The following CAPZA1 variants were observed in gnomAD, a reference collection of about 807,000 sequenced individuals.
CAPZA1 encodes F-actin-capping protein subunit alpha-1.
Under a neutral mutation model 40.8 loss-of-function variants are expected in CAPZA1, and 10 were observed. The observed-to-expected ratio is 0.25, with a 90% CI of 0.15 to 0.42. CAPZA1 has a LOEUF of 0.42. Among genes scored for constraint, CAPZA1 ranks in the 10% least tolerant of loss-of-function variants. The probability of loss-of-function intolerance (pLI) is 1.00; values close to 1 mark genes in which losing one functional copy is unlikely to be tolerated. For missense variants in CAPZA1, 277 were observed against 353.8 expected, an observed-to-expected ratio of 0.78 and a Z score of 1.74; for synonymous variants, 98 against 115.0, an observed-to-expected ratio of 0.85 and a Z score of 0.95.
intron 4 of CAPZA1, among the ~76,000 whole-genome samples, chr1:112,654,150 A>T (rs1453140122): frequency 2.6e-5 from 4 of 152,198 alleles, no homozygotes; most frequent in Non-Finnish European, 5.9e-5. Context: ...CTGGAAAAAT[A>T]TGTGAAAAAA....
At chr1:112,650,452 A>T (rs1401585051) in intron 3 of CAPZA1, among the ~76,000 whole-genome samples, 3 of 152,154 alleles carry the variant, frequency 2.0e-5, no homozygotes, top group Non-Finnish European at 4.4e-5. Context: ...CACATCGGAG[A>T]TATACTCTAA....
intron 1 of CAPZA1, among the ~76,000 whole-genome samples, chr1:112,634,198 T>C (rs1670975705): frequency 6.6e-6 from 1 of 152,190 alleles, no homozygotes; most frequent in Non-Finnish European, 1.5e-5. Context: ...TACATATCTC[T>C]TTCAGGAAAA....
chr1:112,624,603 A>G (rs541661736), intron 1 of CAPZA1, among the ~76,000 whole-genome samples: 1 of 102,518 alleles, frequency 9.8e-6, no homozygotes, highest in South Asian at 4.1e-4. Context: ...GCAAAACTCC[A>G]TCAAAAAAAA....
intron 7 of CAPZA1, among the ~76,000 whole-genome samples, chr1:112,664,289 G>A (rs1459883221): frequency 2.0e-5 from 3 of 151,786 alleles, no homozygotes; most frequent in Admixed American, 2.0e-4. Flanking sequence ...TAGGTAGGGG[G>A]TTCTTGTTAT....
In CAPZA1 at chr1:112,621,767, T is replaced by TG. The variant is rs1570695918; in HGVS notation, c.39+1884_39+1885insG. On this transcript the variant is annotated intron_variant, in intron 1 of 9. Coordinates refer to ENST00000263168, the MANE Select transcript of CAPZA1 (RefSeq NM_006135.3). ...ATTAATGTCTTGGGTTATGGTTTTT[T>TG]TTTTTTTTTTTTGAGATGGAGTCTC... Among the ~76,000 whole-genome samples, 4 of 149,172 alleles carry TG rather than the reference T, an allele frequency of 2.7e-5. No homozygotes were observed. In the East Asian group the frequency reaches 5.8e-4, roughly 22 times the overall value.
In CAPZA1 at chr1:112,668,231, G is replaced by A. The variant is rs527695269; in HGVS notation, c.657+1086G>A. On this transcript the variant is annotated intron_variant, in intron 8 of 9. Transcript: ENST00000263168. ...GTTGAGGCTGCAGTGAGCCAAGATC[G>A]TGCCACTGCACTTCAGCCTGGGTGA... is the stretch of plus-strand genomic sequence containing the variant. Among the ~76,000 whole-genome samples, 5 of 152,234 alleles carry A rather than the reference G, an allele frequency of 3.3e-5. No individual in the cohort carries two copies. In the South Asian group the frequency reaches 8.3e-4, roughly 25 times the overall value.
intron 1 of CAPZA1, among the ~76,000 whole-genome samples, chr1:112,643,875 C>CTTTTTTTTTTTTTTTTTTTTTTTTTTTA (rs1557731528): frequency 6.6e-6 from 1 of 152,046 alleles, no homozygotes; most frequent in African/African-American, 2.4e-5. Flanking sequence ...GAGACAGTCT[C>CTTTTTTTTTTTTTTTTTTTTTTTTTTTA]ACTCTGTCGC....
chr1:112,659,011 C>G lies in CAPZA1; in HGVS notation c.427-11C>G, dbSNP rs1671551999. 1 of 1,585,656 alleles carries G rather than the reference C, an allele frequency of 6.3e-7. No homozygotes were observed. The highest frequency in any genetic ancestry group is 8.6e-7 in the Non-Finnish European group (1 of 1,158,826). On this transcript the variant is annotated splice_polypyrimidine_tract_variant and intron_variant, in intron 5 of 9. Transcript: ENST00000263168. ...TTGGAGTCTTTAACTATTTTTTTTTCCCAACAATAGGTTTATGCTAAAACT... is the reference window on the plus strand; with the variant it reads ...TTGGAGTCTTTAACTATTTTTTTTTGCCAACAATAGGTTTATGCTAAAACT...
At chr1:112,622,174 C>T (rs1006754135) in intron 1 of CAPZA1, among the ~76,000 whole-genome samples, 5 of 152,060 alleles carry the variant, frequency 3.3e-5, no homozygotes, top group African/African-American at 1.2e-4. Context: ...TTTCTAAAGG[C>T]AGTGAACCTT....
At chr1:112,662,395 C>CTTTTTTTTT (rs35100851) in intron 7 of CAPZA1, among the ~76,000 whole-genome samples, 6 of 97,258 alleles carry the variant, frequency 6.2e-5, no homozygotes, top group East Asian at 6.0e-4. Flanking sequence ...TAGAATTTTT[C>CTTTTTTTTT]TTTTTTTTTT....
chr1:112,620,391 A>T (rs1169660599), intron 1 of CAPZA1: 1 of 153,188 alleles, frequency 6.5e-6, no homozygotes, highest in Non-Finnish European at 1.5e-5. Flanking sequence ...ACTCTTCGAC[A>T]AGGAGAGGTC....
chr1:112,651,996 C>T (rs952738160), intron 3 of CAPZA1, among the ~76,000 whole-genome samples: 1 of 151,996 alleles, frequency 6.6e-6, no homozygotes, highest in Non-Finnish European at 1.5e-5. Context: ...TGGTGCGCAT[C>T]TGTAATCCCA....
At chr1:112,639,269 TCTC>T (rs1184114866) in intron 1 of CAPZA1, among the ~76,000 whole-genome samples, 6 of 152,112 alleles carry the variant, frequency 3.9e-5, no homozygotes, top group African/African-American at 1.4e-4. Context: ...TACTTTCAAA[TCTC>T]CTCGCTTTCA....
intron 7 of CAPZA1, among the ~76,000 whole-genome samples, chr1:112,660,852 T>A (rs1301546351): frequency 2.1e-5 from 3 of 142,672 alleles, no homozygotes; most frequent in Non-Finnish European, 3.0e-5. Flanking sequence ...TTTTTTTTTT[T>A]TTTTTTTTTT....
At chr1:112,648,607 C>T (rs1570715608) in intron 2 of CAPZA1, among the ~76,000 whole-genome samples, 2 of 151,920 alleles carry the variant, frequency 1.3e-5, no homozygotes, top group East Asian at 3.9e-4. Flanking sequence ...TGAGCCACCA[C>T]ACCTGCCCGA....
intron 1 of CAPZA1, among the ~76,000 whole-genome samples, chr1:112,640,630 C>G (rs1671135172): frequency 6.6e-6 from 1 of 151,588 alleles, no homozygotes; most frequent in Non-Finnish European, 1.5e-5. Context: ...GCCAGCCGCC[C>G]CATCCGGGAC....
chr1:112,643,056 A>C (rs916720942), intron 1 of CAPZA1, among the ~76,000 whole-genome samples: 2 of 151,932 alleles, frequency 1.3e-5, no homozygotes, highest in African/African-American at 4.8e-5. Context: ...GAAAGGGGAT[A>C]GACCATAGCT....
intron 3 of CAPZA1, 21 bp from the exon 4 acceptor site, chr1:112,653,577 A>ATTTTTTTTTTTT: frequency 6.8e-7 from 1 of 1,472,206 alleles, no homozygotes; most frequent in African/African-American, 1.5e-5. Context: ...TTTTTTTTAA[A>ATTTTTTTTTTTT]AAACTTTTAA....
intron 1 of CAPZA1, chr1:112,620,300 G>C (rs1403355862): frequency 6.3e-6 from 1 of 159,030 alleles, no homozygotes; most frequent in Non-Finnish European, 1.4e-5. Flanking sequence ...GGTTAGTTTA[G>C]GGCGAGTCAC....
Sources: gnomAD v4.1 joint callset for allele counts (sites outside exome capture counted in the v4.1 genomes callset) on GRCh38, gnomAD v4.1.1 for gene constraint, MANE v1.5 for transcripts, NCBI Gene and HGNC (gene_info 2026-07-23, HGNC 2026-07-21) for gene names.